The following SAMTOR variants were observed in gnomAD, a reference collection of about 807,000 sequenced individuals.
SAMTOR encodes UPF0532 protein C7orf60.
At chr7:112,883,977 G>C in the SAMTOR span, among the ~76,000 whole-genome samples, 26 of 152,254 alleles carry the variant, frequency 1.7e-4, no homozygotes, top group African/African-American at 6.0e-4. Context: ...CAGCATGGCT[G>C]GGGAGGCCTC....
At chr7:112,846,325 G>C in the SAMTOR span, among the ~76,000 whole-genome samples, 1 of 151,922 alleles carries the variant, frequency 6.6e-6, no homozygotes, top group African/African-American at 2.4e-5. Context: ...AGGACGTATG[G>C]ATATAAAGAG....
the SAMTOR span, among the ~76,000 whole-genome samples, chr7:112,866,156 C>T: frequency 6.6e-6 from 1 of 152,036 alleles, no homozygotes; most frequent in African/African-American, 2.4e-5. Flanking sequence ...TAGGTAATTG[C>T]TATATAAATA....
At chr7:112,862,013 G>A in the SAMTOR span, among the ~76,000 whole-genome samples, 9 of 152,306 alleles carry the variant, frequency 5.9e-5, no homozygotes, top group Non-Finnish European at 8.8e-5. Context: ...AAGAACGTTG[G>A]GAGGCTGAGG....
chr7:112,828,115 T>C, the SAMTOR span, among the ~76,000 whole-genome samples: 1 of 152,220 alleles, frequency 6.6e-6, no homozygotes, highest in African/African-American at 2.4e-5. Flanking sequence ...TCACCCTTTA[T>C]GCTACTGTCA....
At chr7:112,924,015 G>A in the SAMTOR span, among the ~76,000 whole-genome samples, 1 of 150,634 alleles carries the variant, frequency 6.6e-6, no homozygotes, top group Non-Finnish European at 1.5e-5. Context: ...GACACAGGAA[G>A]GGGAAGATCA....
At chr7:112,927,370 C>T in the SAMTOR span, among the ~76,000 whole-genome samples, 3 of 151,960 alleles carry the variant, frequency 2.0e-5, no homozygotes, top group East Asian at 5.8e-4. Context: ...GCTAGAACTT[C>T]TTGAAGTTTG....
the SAMTOR span, chr7:112,939,701 C>A: frequency 1.1e-5 from 18 of 1,611,206 alleles, no homozygotes; most frequent in Non-Finnish European, 1.5e-5. Context: ...GTTCGGGGAC[C>A]CGGCCCTCTG....
At chr7:112,902,416 C>CAAAAAAAAAAAAAAAAAAAAAAAA in the SAMTOR span, among the ~76,000 whole-genome samples, 9 of 12,318 alleles carry the variant, frequency 7.3e-4, 2 homozygotes, top group East Asian at 4.1e-3. Flanking sequence ...AACTCCGTCT[C>CAAAAAAAAAAAAAAAAAAAAAAAA]AAAAAAAAAA....
chr7:112,925,388 C>A, the SAMTOR span, among the ~76,000 whole-genome samples: 1 of 152,154 alleles, frequency 6.6e-6, no homozygotes, highest in Non-Finnish European at 1.5e-5. Context: ...ATTATATGTG[C>A]TGTTAATAGG....
chr7:112,845,880 G>A, the SAMTOR span, among the ~76,000 whole-genome samples: 1 of 151,820 alleles, frequency 6.6e-6, no homozygotes, highest in East Asian at 1.9e-4. Flanking sequence ...GAATAGTATT[G>A]CAGTCATAAA....
the SAMTOR span, among the ~76,000 whole-genome samples, chr7:112,884,138 A>G: frequency 2.6e-5 from 4 of 152,286 alleles, no homozygotes; most frequent in South Asian, 2.1e-4. Flanking sequence ...GAACAGCAGC[A>G]TGGGGGTAAT....
chr7:112,930,464 C>G, the SAMTOR span, among the ~76,000 whole-genome samples: 3 of 150,968 alleles, frequency 2.0e-5, no homozygotes, highest in African/African-American at 7.3e-5. Context: ...CACCAATATT[C>G]TGACATGCTA....
At chr7:112,830,965 G>T in the SAMTOR span, among the ~76,000 whole-genome samples, 1 of 150,738 alleles carries the variant, frequency 6.6e-6, no homozygotes, top group Non-Finnish European at 1.5e-5. Context: ...AGAAAACTGA[G>T]GATCAGAGAC....
At chr7:112,905,513 C>G in the SAMTOR span, among the ~76,000 whole-genome samples, 1 of 151,770 alleles carries the variant, frequency 6.6e-6, no homozygotes, top group Non-Finnish European at 1.5e-5. Context: ...AAAATAAAGG[C>G]CAATATCACT....
the SAMTOR span, among the ~76,000 whole-genome samples, chr7:112,901,716 G>A: frequency 2.6e-5 from 4 of 151,992 alleles, no homozygotes; most frequent in Non-Finnish European, 5.9e-5. Context: ...TTAAAACTCT[G>A]TAAGAATGCA....
the SAMTOR span, among the ~76,000 whole-genome samples, chr7:112,938,786 A>G: frequency 6.6e-6 from 1 of 152,226 alleles, no homozygotes; most frequent in Admixed American, 6.5e-5. Flanking sequence ...CTTCAGGCAC[A>G]GGCAAAAGCC....
chr7:112,845,478 T>C, the SAMTOR span, among the ~76,000 whole-genome samples: 8 of 152,056 alleles, frequency 5.3e-5, no homozygotes, highest in East Asian at 1.9e-4. Flanking sequence ...CCAACAAGTA[T>C]ATTAAAAAAA....
the SAMTOR span, among the ~76,000 whole-genome samples, chr7:112,927,563 A>AGTAT: frequency 6.6e-6 from 1 of 152,076 alleles, no homozygotes; most frequent in African/African-American, 2.4e-5. Context: ...TTCTAGAAAA[A>AGTAT]ATACATGTGT....
chr7:112,915,335 C>T, the SAMTOR span: 1 of 1,612,834 alleles, frequency 6.2e-7, no homozygotes, highest in Non-Finnish European at 8.5e-7. Flanking sequence ...GACCTTCGCC[C>T]TCACAAGTTT....
Sources: allele counts gnomAD v4.1 joint callset (sites outside exome capture counted in the v4.1 genomes callset), GRCh38; gene constraint gnomAD v4.1.1; transcripts MANE v1.5; gene names NCBI Gene and HGNC (gene_info 2026-07-23, HGNC 2026-07-21).